PPFIBP1: variants seen among roughly 807,000 people sequenced by gnomAD.
PPFIBP1 encodes liprin-beta-1.
In PPFIBP1, 112 loss-of-function variants were observed where a neutral mutation model predicts 137.8. The observed-to-expected ratio is 0.81, with a 90% confidence interval of 0.70 to 0.95. The LOEUF is 0.95. Among genes scored for constraint, PPFIBP1 ranks in the 40% least tolerant of loss-of-function variants. The pLI is 0.00. For synonymous variants in PPFIBP1, 378 were observed against 417.3 expected (o/e 0.91, Z 1.15); for missense variants, 1,083 against 1,196.6 (o/e 0.91, Z 1.40).
At chr12:27,650,483 G>A (rs1031988478) in intron 7 of PPFIBP1, among the ~76,000 whole-genome samples, 1 of 152,046 alleles carries the variant, frequency 6.6e-6, no homozygotes, top group Non-Finnish European at 1.5e-5. Flanking sequence ...TTAAATACAT[G>A]GTTTCACTAG....
intron 2 of PPFIBP1, among the ~76,000 whole-genome samples, chr12:27,617,883 T>C (rs1030848880): frequency 6.6e-6 from 1 of 152,188 alleles, no homozygotes; most frequent in Non-Finnish European, 1.5e-5. Context: ...CCTGACTATA[T>C]TGATCATTTA....
intron 13 of PPFIBP1, among the ~76,000 whole-genome samples, 164 bp downstream of exon 13, chr12:27,667,484 C>T (rs774702338): frequency 6.6e-6 from 1 of 152,218 alleles, no homozygotes; most frequent in Admixed American, 6.5e-5. Flanking sequence ...CTGATGGTGA[C>T]TCTGAAAGAT....
chr12:27,694,672 T>C lies in PPFIBP1; in HGVS notation c.*1790T>C, dbSNP rs2061695379. ...AAATATTCTTTGTAAAGAAAATCGCTGCAGCAAAAACTGTTACTGTGTTTA... is the reference window on the plus strand; with the variant it reads ...AAATATTCTTTGTAAAGAAAATCGCCGCAGCAAAAACTGTTACTGTGTTTA... On this transcript the variant is annotated 3_prime_UTR_variant, in exon 30 of 30. Transcript: ENST00000228425. 1 of 152,240 alleles carries C rather than the reference T, an allele frequency of 6.6e-6. No individual in the cohort carries two copies. The highest frequency in any genetic ancestry group is 6.5e-5 in the Admixed American group (1 of 15,284). 9.4% of individuals were successfully genotyped at this position (152,240 alleles called of 1,614,324 possible).
chr12:27,608,787 G>T, intron 2 of PPFIBP1: 1 of 180,098 alleles, frequency 5.6e-6, no homozygotes, highest in Non-Finnish European at 1.2e-5. Context: ...GACTCTCCTT[G>T]TTTTCAGTGT....
At chr12:27,557,543 A>G (rs1366445149) in intron 1 of PPFIBP1, among the ~76,000 whole-genome samples, 2 of 152,154 alleles carry the variant, frequency 1.3e-5, no homozygotes, top group South Asian at 4.1e-4. Context: ...ACATCATGGT[A>G]ACAATATTGA....
chr12:27,633,328 T>C, intron 2 of PPFIBP1, 34 bp from the exon 3 acceptor site: 1 of 1,430,616 alleles, frequency 7.0e-7, no homozygotes, highest in Non-Finnish European at 9.8e-7. Context: ...CTATGTCATT[T>C]AATGGATGTA....
chr12:27,671,244 A>C (rs577946841), intron 13 of PPFIBP1, among the ~76,000 whole-genome samples, 187 bp from the exon 14 acceptor site: 1 of 152,208 alleles, frequency 6.6e-6, no homozygotes, highest in African/African-American at 2.4e-5. Flanking sequence ...CTTCCTCCAG[A>C]ATGATTTCCT....
At chr12:27,554,090 G>A (rs1592420295) in intron 1 of PPFIBP1, among the ~76,000 whole-genome samples, 1 of 152,302 alleles carries the variant, frequency 6.6e-6, no homozygotes, top group East Asian at 1.9e-4. Context: ...GTGCTTAGAT[G>A]TATATTACGG....
At chr12:27,575,707 C>A (rs141150764) in intron 1 of PPFIBP1, among the ~76,000 whole-genome samples, 1,580 of 152,262 alleles carry the variant, frequency 0.01, 12 homozygotes, top group Middle Eastern at 0.031. Flanking sequence ...TGTCATTTCA[C>A]TAAGGGTTTT....
chr12:27,535,609 G>C (rs923098039), intron 1 of PPFIBP1, among the ~76,000 whole-genome samples: 1 of 152,126 alleles, frequency 6.6e-6, no homozygotes, highest in African/African-American at 2.4e-5. Context: ...ATGTTGCTCA[G>C]GCTGGTCTTG....
intron 6 of PPFIBP1, 90 bp downstream of exon 6, chr12:27,647,932 A>C: frequency 1.4e-6 from 2 of 1,444,780 alleles, no homozygotes. Flanking sequence ...CTGATGCAGC[A>C]GTAAGTTTCT....
At chr12:27,609,380 C>T (rs1320319637) in intron 2 of PPFIBP1, among the ~76,000 whole-genome samples, 2 of 152,142 alleles carry the variant, frequency 1.3e-5, no homozygotes, top group African/African-American at 2.4e-5. Flanking sequence ...TCATCCTGGA[C>T]GTCATTCCTT....
intron 1 of PPFIBP1, among the ~76,000 whole-genome samples, chr12:27,534,358 ATC>A (rs1944748613): frequency 6.6e-6 from 1 of 152,200 alleles, no homozygotes; most frequent in South Asian, 2.1e-4. Flanking sequence ...GCATTGATTT[ATC>A]AGTAGAGTAA....
intron 9 of PPFIBP1, among the ~76,000 whole-genome samples, chr12:27,658,057 G>A (rs571297130): frequency 4.0e-4 from 60 of 150,402 alleles, no homozygotes; most frequent in Non-Finnish European, 2.1e-4. Context: ...GATCACTTAA[G>A]GCCCAGGAGT....
At chr12:27,658,906 T>C in intron 10 of PPFIBP1, 58 bp downstream of exon 10, 1 of 1,500,936 alleles carries the variant, frequency 6.7e-7, no homozygotes, top group Non-Finnish European at 9.1e-7. Flanking sequence ...TACCTTGGAC[T>C]GTTCTTTGCA....
chr12:27,545,313 C>T (rs1157731941), intron 1 of PPFIBP1, among the ~76,000 whole-genome samples: 1 of 152,118 alleles, frequency 6.6e-6, no homozygotes, highest in East Asian at 1.9e-4. Context: ...CAGCAAATCA[C>T]CATGGCACAT....
At chr12:27,580,908 C>CTT (rs112914040) in intron 2 of PPFIBP1, among the ~76,000 whole-genome samples, 32 of 146,292 alleles carry the variant, frequency 2.2e-4, no homozygotes, top group African/African-American at 4.0e-4. Flanking sequence ...ACATTATACT[C>CTT]TTTTTTTTTT....
chr12:27,655,324 C>A, intron 8 of PPFIBP1: 1 of 906,118 alleles, frequency 1.1e-6, no homozygotes, highest in Non-Finnish European at 1.7e-6. Context: ...GTGGCATGTG[C>A]ATTCATTCTG....
intron 1 of PPFIBP1, among the ~76,000 whole-genome samples, chr12:27,551,885 G>A (rs1946819741): frequency 1.3e-5 from 2 of 152,168 alleles, no homozygotes; most frequent in South Asian, 2.1e-4. Flanking sequence ...GACAGACTGT[G>A]GTTCATAAGG....
Sources: allele counts gnomAD v4.1 joint callset (sites outside exome capture counted in the v4.1 genomes callset), GRCh38; gene constraint gnomAD v4.1.1; transcripts MANE v1.5; gene names NCBI Gene and HGNC (gene_info 2026-07-23, HGNC 2026-07-21).